The following TIAM1 variants were observed in gnomAD, a reference collection of about 807,000 sequenced individuals.
TIAM1 encodes the protein TIAM Rac1 associated GEF 1, also known as rho guanine nucleotide exchange factor TIAM1.
In TIAM1, 65 loss-of-function variants were observed where a neutral mutation model predicts 163.5. The observed-to-expected ratio is 0.40, with a 90% confidence interval of 0.33 to 0.49. TIAM1 has a LOEUF of 0.49. Ranked by LOEUF, TIAM1 falls within the 20% of genes least tolerant of loss-of-function variation. TIAM1 has a pLI of 0.77. For missense variants in TIAM1, 1,789 were observed against 2,044.7 expected (o/e 0.87, Z 2.41); for synonymous variants, 833 against 810.1 (o/e 1.03, Z -0.48).
chr21:31,241,058 T>A (rs148547234), intron 6 of TIAM1, among the ~76,000 whole-genome samples: 8 of 152,254 alleles, frequency 5.3e-5, no homozygotes, highest in African/African-American at 1.9e-4. Context: ...CTCTCTCTTG[T>A]CTGCTGCCAT....
At chr21:31,186,265 C>T (rs966676534) in intron 14 of TIAM1, among the ~76,000 whole-genome samples, 4 of 152,136 alleles carry the variant, frequency 2.6e-5, no homozygotes, top group South Asian at 2.1e-4. Context: ...TCTCAACTTT[C>T]GCAGATTCTT....
chr21:31,309,801 C>T (rs1400267034), intron 2 of TIAM1, among the ~76,000 whole-genome samples: 1 of 152,156 alleles, frequency 6.6e-6, no homozygotes, highest in Non-Finnish European at 1.5e-5. Flanking sequence ...ATCCATCATG[C>T]GTGACCAGAC....
chr21:31,124,598 T>C lies in TIAM1; in HGVS notation c.4230A>G (p.Ser1410=). The change falls in exon 27 of 28, where the codon TCA becomes TCG. Residue 1410 remains serine, a synonymous_variant. Transcript: ENST00000541036. ...CTCCAAAAGGGACATATTGCTGGGA[T>C]GAGGGAAGGCTCTCGGTTTTGAGGA... ...RQLLKTESLP[S]SQQYVPFGGK... 6.2e-7 allele frequency: 1 copy of C among 1,613,924 alleles called. No homozygotes were observed. Among genetic ancestry groups the C allele is most frequent in the Non-Finnish European group, 8.5e-7 (1 of 1,179,916 alleles).
intron 4 of TIAM1, among the ~76,000 whole-genome samples, chr21:31,260,689 T>C (rs141030793): frequency 5.6e-3 from 166 of 29,566 alleles, no homozygotes; most frequent in African/African-American, 0.02. Flanking sequence ...AAAAGAAAGA[T>C]AAAGAGAAAA....
Position 31,127,751 on chromosome 21 carries a change from TG to T in TIAM1, c.4046-600del, listed in dbSNP as rs535665068. On this transcript the variant is annotated intron_variant, in intron 25 of 27. Transcript: ENST00000541036. ...CTTCCAGCCATGCAGTCTGGTTAAC[TG>T]AACTGTGCATTTCAATTAAATGATT... Among the ~76,000 whole-genome samples, 692 of 152,290 alleles carry T rather than the reference TG, an allele frequency of 4.5e-3. 2 individuals are homozygous for T. Among genetic ancestry groups the T allele is most frequent in the African/African-American group, 0.016 (649 of 41,550 alleles).
chr21:31,486,322 T>A (rs1050576087), intron 1 of TIAM1, among the ~76,000 whole-genome samples: 5 of 152,130 alleles, frequency 3.3e-5, no homozygotes, highest in Non-Finnish European at 5.9e-5. Flanking sequence ...CTCCCCACCA[T>A]CCCTCTGAAA....
intron 15 of TIAM1, among the ~76,000 whole-genome samples, chr21:31,165,882 C>T (rs928842703): frequency 6.6e-6 from 1 of 152,174 alleles, no homozygotes; most frequent in African/African-American, 2.4e-5. Flanking sequence ...AAACTATAAA[C>T]ATCTTATAAT....
intron 19 of TIAM1, 29 bp from the exon 20 acceptor site, chr21:31,147,032 G>T (rs2146297218): frequency 6.3e-7 from 1 of 1,590,986 alleles, no homozygotes. Context: ...GGCACAGTTG[G>T]TTGTTTCCTT....
Position 31,252,006 on chromosome 21 carries a change from C to G in TIAM1, c.1147G>C (p.Val383Leu). The G allele has an allele frequency of 6.2e-7, 1 of 1,613,974 alleles. No homozygotes were observed. The highest frequency in any genetic ancestry group is 8.5e-7 in the Non-Finnish European group (1 of 1,179,956). Residue 383 changes from valine to leucine, a missense_variant, in exon 5 of 28, where the codon GTG becomes CTG. This residue lies in a region of TIAM1 where 555 missense variants were observed against 564.9 expected (regional missense o/e 0.98). Transcript: ENST00000541036. ...SSTGDAARQGVYENFRRELEM... is the reference protein window; with the variant it reads ...SSTGDAARQGLYENFRRELEM... ...AGCTCCCGCCGGAAGTTCTCGTACA[C>G]CCCCTGACGAGCCGCATCCCCGGTG...
At chr21:31,152,082 G>C (rs954522161) in intron 19 of TIAM1, among the ~76,000 whole-genome samples, 1 of 145,628 alleles carries the variant, frequency 6.9e-6, no homozygotes, top group East Asian at 2.0e-4. Flanking sequence ...CCCCAGACTG[G>C]AGAGCAGTGC....
intron 26 of TIAM1, among the ~76,000 whole-genome samples, chr21:31,125,330 C>T (rs139567492): frequency 2.6e-5 from 4 of 151,854 alleles, no homozygotes; most frequent in Admixed American, 6.6e-5. Context: ...ACAATAAATA[C>T]GGCATCCGTG....
At chr21:31,493,066 A>G (rs544688116) in intron 1 of TIAM1, among the ~76,000 whole-genome samples, 14 of 152,208 alleles carry the variant, frequency 9.2e-5, no homozygotes, top group Non-Finnish European at 1.5e-4. Context: ...CTGTCTGTTC[A>G]TCAAAACCAC....
At chr21:31,394,431 C>T (rs528692644) in intron 2 of TIAM1, among the ~76,000 whole-genome samples, 12 of 152,222 alleles carry the variant, frequency 7.9e-5, no homozygotes, top group Middle Eastern at 3.4e-3. Context: ...GGTGAACACA[C>T]GTAATTATAC....
intron 2 of TIAM1, among the ~76,000 whole-genome samples, chr21:31,295,362 C>T (rs1475304454): frequency 6.7e-6 from 1 of 148,252 alleles, no homozygotes; most frequent in Non-Finnish European, 1.5e-5. Context: ...CCCAACTACT[C>T]AGGAGGCTGA....
intron 2 of TIAM1, among the ~76,000 whole-genome samples, chr21:31,405,510 G>C (rs1054422507): frequency 6.6e-6 from 1 of 152,144 alleles, no homozygotes; most frequent in Admixed American, 6.5e-5. Flanking sequence ...AGACATAACT[G>C]AGACTGGGCA....
chr21:31,523,430 G>A (rs1880742840), intron 1 of TIAM1, among the ~76,000 whole-genome samples: 1 of 152,192 alleles, frequency 6.6e-6, no homozygotes, highest in African/African-American at 2.4e-5. Context: ...TCTTCAAAAT[G>A]CAGAAAGATG....
At chr21:31,516,677 A>AG (rs1487032741) in intron 1 of TIAM1, among the ~76,000 whole-genome samples, 1 of 151,978 alleles carries the variant, frequency 6.6e-6, no homozygotes, top group African/African-American at 2.4e-5. Flanking sequence ...ACCCTAAAAA[A>AG]AAAAAAAAGA....
chr21:31,231,105 C>G (rs2088393839), intron 6 of TIAM1, among the ~76,000 whole-genome samples: 1 of 151,934 alleles, frequency 6.6e-6, no homozygotes, highest in Admixed American at 6.6e-5. Context: ...CTGATTCGCC[C>G]CATTCTTGCC....
At chr21:31,200,414 T>C (rs2086135359) in intron 12 of TIAM1, among the ~76,000 whole-genome samples, 1 of 152,206 alleles carries the variant, frequency 6.6e-6, no homozygotes, top group Non-Finnish European at 1.5e-5. Context: ...CCTAAATGAA[T>C]GTAGGCAACA....
Sources: allele counts gnomAD v4.1 joint callset (sites outside exome capture counted in the v4.1 genomes callset), GRCh38; gene constraint gnomAD v4.1.1; regional missense constraint gnomAD v4.1.1; transcripts MANE v1.5; gene names NCBI Gene and HGNC (gene_info 2026-07-23, HGNC 2026-07-21).